RELT: variants seen among roughly 807,000 people sequenced by gnomAD.
RELT encodes the protein RELT TNF receptor.
In RELT, 37 loss-of-function variants were observed where a neutral mutation model predicts 51.1. The observed-to-expected ratio is 0.72, with a 90% CI of 0.56 to 0.95. RELT has a LOEUF of 0.95. RELT is among the 40% of genes least tolerant of loss of function. The pLI is 0.00. For synonymous variants in RELT, 241 were observed against 235.7 expected, an observed-to-expected ratio of 1.02 and a Z score of -0.21; for missense variants, 535 against 572.6, an observed-to-expected ratio of 0.93 and a Z score of 0.67.
In RELT at chr11:73,397,344, C is replaced by T. The variant is rs961686814; in HGVS notation, c.*1853C>T. ...GAGCCACAGGAGCGGGTGCTACACC[C>T]GGCAAGACAGAGCGTCTCCATCTAA... On this transcript the variant is annotated 3_prime_UTR_variant, in exon 11 of 11. Transcript: ENST00000064780. The T allele has an allele frequency of 2.0e-5, 3 of 152,344 alleles. No individual in the cohort carries two copies. Among genetic ancestry groups the T allele is most frequent in the Non-Finnish European group, 2.9e-5 (2 of 68,042 alleles). 9.4% of individuals were successfully genotyped at this position (152,344 alleles called of 1,614,324 possible).
In RELT at chr11:73,391,240, G is replaced by T. The variant is rs1261795172; in HGVS notation, c.367+17G>T. 7.5e-6 allele frequency: 12 copies of T among 1,610,406 alleles called. No homozygotes were observed. The highest frequency in any genetic ancestry group is 1.0e-5 in the Non-Finnish European group (12 of 1,177,298). On this transcript the variant is annotated intron_variant, in intron 5 of 10. Transcript: ENST00000064780. ...GCTGTGATGGTGAGTGGCAGACTGG[G>T]GCTAGGACTGGTGCAGGGGTATGTG...
rs751853859 is a variant in RELT at position 73,393,939 on chromosome 11, A to G, written c.706+22A>G. ...AAAGGTGAGGAGAAGGTCTGACCCC[A>G]TCCCAGTGCCCAGGAGAGGAGGGTT... On this transcript the variant is annotated intron_variant, in intron 7 of 10. Transcript: ENST00000064780. The G allele has an allele frequency of 4.4e-6, 7 of 1,607,226 alleles. No homozygotes were observed. The South Asian group carries it at 7.7e-5, about 18-fold the overall frequency.
At chr11:73,393,774 T>C in intron 6 of RELT, 63 bp from the exon 7 acceptor site, 7 of 1,582,148 alleles carry the variant, frequency 4.4e-6, no homozygotes, top group Non-Finnish European at 6.1e-6. Flanking sequence ...TGGCAGATCA[T>C]GGTTTAGCTC....
rs1245545994 is a variant in RELT, at chr11:73,390,539, C to T, written c.46-12C>T. ...CACTTTCTGCCTCTTTCAATGCCTA[C>T]TGTTCTTCTAGCTGCTGCCCTGGCC... On this transcript the variant is annotated splice_polypyrimidine_tract_variant and intron_variant, in intron 2 of 10. Coordinates refer to ENST00000064780, the MANE Select transcript of RELT (RefSeq NM_152222.2). 5 of 1,613,532 alleles carry T rather than the reference C, an allele frequency of 3.1e-6. No individual in the cohort carries two copies. The highest frequency in any genetic ancestry group is 4.2e-6 in the Non-Finnish European group (5 of 1,179,476).
intron 1 of RELT, among the ~76,000 whole-genome samples, chr11:73,377,107 C>A (rs888572828): frequency 3.9e-5 from 6 of 152,078 alleles, no homozygotes. Context: ...GGGAAAGACC[C>A]GGGGTCACTG....
In RELT at chr11:73,394,926, G is replaced by A. The variant is rs1866287067; in HGVS notation, c.1047-161G>A. 4.5e-6 allele frequency: 4 copies of A among 884,200 alleles called. No individual in the cohort carries two copies. Among genetic ancestry groups the A allele is most frequent in the Non-Finnish European group, 6.9e-6 (4 of 581,978 alleles). The allele number at this position is 884,200 out of a possible 1,614,324, so 54.8% of individuals were successfully genotyped here. On this transcript the variant is annotated intron_variant, in intron 9 of 10. Transcript: ENST00000064780. This position sits in a 1 kb window ranked among gnomAD's most constrained non-coding sequence, Gnocchi z 4.9. The stretch of plus-strand genomic sequence containing the variant: ...CCGGTTATGTTGTGTCTCACATGGA[G>A]CCCTTGCATCCCTAGGGCAGCATCT...
rs1414986610 is a variant in RELT, at chr11:73,379,930, T to C, written c.-26+3431T>C. ...TTTACCCTCGCCTCTCCTTGCCAGA[T>C]GCCTTGTCTGCCTTGCCTTTGCTTT... On this transcript the variant is annotated intron_variant, in intron 1 of 10. Coordinates refer to ENST00000064780, the MANE Select transcript of RELT (RefSeq NM_152222.2). 3.3e-5 allele frequency among the ~76,000 whole-genome samples: 5 copies of C among 152,262 alleles called. No homozygotes were observed. In the East Asian group the frequency reaches 7.7e-4, roughly 23 times the overall value.
At chr11:73,392,776 G>A (rs1387414988) in intron 6 of RELT, 17 of 1,311,850 alleles carry the variant, frequency 1.3e-5, no homozygotes, top group Non-Finnish European at 1.6e-5. Context: ...TTCCAGGGTC[G>A]GATGGTGGCC....
chr11:73,393,547 G>T, intron 6 of RELT: 1 of 1,347,256 alleles, frequency 7.4e-7, no homozygotes, highest in Non-Finnish European at 9.7e-7. Context: ...AGACGCTGAC[G>T]CACCGCCCCC....
intron 1 of RELT, among the ~76,000 whole-genome samples, chr11:73,386,059 C>T (rs556599360): frequency 3.9e-5 from 6 of 152,316 alleles, no homozygotes; most frequent in East Asian, 1.9e-4. Context: ...CCAAAAACTT[C>T]GCGACAGCCA....
At chr11:73,377,575 C>T (rs1314999058) in intron 1 of RELT, among the ~76,000 whole-genome samples, 1 of 147,174 alleles carries the variant, frequency 6.8e-6, no homozygotes, top group Non-Finnish European at 1.5e-5. Flanking sequence ...CTTCCCCCCG[C>T]CCACCTGCAT....
chr11:73,385,162 ATGGGCGCAGGCCT>A (rs1289479124), intron 1 of RELT, among the ~76,000 whole-genome samples: 1 of 151,936 alleles, frequency 6.6e-6, no homozygotes, highest in Non-Finnish European at 1.5e-5. Context: ...GGCAAGAGCA[ATGGGCGCAGGCCT>A]TGGGAGAGCT....
chr11:73,390,601 C>T lies in RELT; in HGVS notation c.96C>T (p.Cys32=), dbSNP rs200921909. ...ATLTSTTLWQ[C]PPGEEPDLDP... ...TGACATCAACAACCCTTTGGCAGTG[C>T]CCACCTGGGGAGGAGCCCGACCTGG... The change falls in exon 3 of 11, where the codon TGC becomes TGT. Residue 32 remains cysteine, a synonymous_variant. Transcript: ENST00000064780. The T allele has an allele frequency of 3.5e-4, 562 of 1,613,960 alleles. 2 individuals carry two copies. The East Asian group carries it at 0.012, about 35-fold the overall frequency.
chr11:73,376,660 T>A (rs2134432927), intron 1 of RELT, 161 bp downstream of exon 1: 1 of 150,196 alleles, frequency 6.7e-6, no homozygotes, highest in South Asian at 2.2e-4. Flanking sequence ...ACCCCACTCC[T>A]CCCGCCTCGC....
Position 73,394,130 on chromosome 11 carries a change from TG to T in RELT, c.707-103del. The T allele has an allele frequency of 9.0e-7, 1 of 1,105,474 alleles. No individual in the cohort carries two copies. The allele number at this position is 1,105,474 out of a possible 1,614,324, so 68.5% of individuals were successfully genotyped here. On this transcript the variant is annotated intron_variant, in intron 7 of 10. Transcript: ENST00000064780. The surrounding 1 kb of genome is among the most constrained non-coding windows in gnomAD (Gnocchi z 4.9). ...GGAGGAAAAGGCGCACAGCCCAGGCTGGGAGTGGTGGTATGGAGGGTAGGTG... is the reference window on the plus strand; with the variant it reads ...GGAGGAAAAGGCGCACAGCCCAGGCTGGAGTGGTGGTATGGAGGGTAGGTG...
chr11:73,383,456 A>C (rs1003539641), intron 1 of RELT, among the ~76,000 whole-genome samples: 3 of 152,226 alleles, frequency 2.0e-5, no homozygotes, highest in African/African-American at 7.2e-5. Context: ...GCCCCATGGG[A>C]TGGCGGTGCA....
intron 1 of RELT, among the ~76,000 whole-genome samples, chr11:73,387,954 C>T (rs985796863): frequency 1.3e-5 from 2 of 152,212 alleles, no homozygotes; most frequent in East Asian, 1.9e-4. Flanking sequence ...TCCTCAGCCT[C>T]GTGCCCCTGA....
intron 2 of RELT, among the ~76,000 whole-genome samples, chr11:73,389,406 G>A (rs1025716893): frequency 1.4e-4 from 22 of 152,208 alleles, no homozygotes; most frequent in African/African-American, 5.1e-4. Context: ...TATGGGCAAG[G>A]CAGGCATGGC....
chr11:73,392,677 T>A, intron 6 of RELT: 2 of 1,429,196 alleles, frequency 1.4e-6, no homozygotes, highest in Non-Finnish European at 1.8e-6. Flanking sequence ...GCACAGCTGG[T>A]CAAGTGGCTT....
Sources: allele counts gnomAD v4.1 joint callset (sites outside exome capture counted in the v4.1 genomes callset), GRCh38; gene constraint gnomAD v4.1.1; non-coding constraint Gnocchi (gnomAD v3.1); transcripts MANE v1.5; gene names NCBI Gene and HGNC (gene_info 2026-07-23, HGNC 2026-07-21).